ATP8A2: variants seen among roughly 807,000 people sequenced by gnomAD.
ATP8A2 encodes the protein ATPase phospholipid transporting 8A2.
Under a neutral mutation model 165.6 loss-of-function variants are expected in ATP8A2, and 100 were observed. The ratio of observed to expected loss-of-function variants is 0.60; its 90% confidence interval spans 0.51 to 0.71. The LOEUF (loss-of-function observed/expected upper bound fraction) is 0.71, where lower values mean the gene tolerates loss of function less well. Among genes scored for constraint, ATP8A2 ranks in the 30% least tolerant of loss-of-function variants. The pLI, the probability that ATP8A2 is intolerant of heterozygous loss-of-function variation, is 0.00. For synonymous variants in ATP8A2, 543 were observed against 548.8 expected (o/e 0.99, Z 0.15); for missense variants, 1,227 against 1,479.5 (o/e 0.83, Z 2.80).
At chr13:25,553,702 G>C in intron 11 of ATP8A2, 91 bp from the exon 12 acceptor site, 1 of 1,318,410 alleles carries the variant, frequency 7.6e-7, no homozygotes, top group Non-Finnish European at 1.1e-6. Flanking sequence ...CATGCAGGAG[G>C]TGCTCAATAA....
intron 7 of ATP8A2, 55 bp downstream of exon 7, chr13:25,538,116 A>G (rs374090215): frequency 7.2e-7 from 1 of 1,380,434 alleles, no homozygotes. Flanking sequence ...ACAATAAAAT[A>G]TTAAGCAGCA....
At chr13:25,433,181 G>A (rs937136650) in intron 1 of ATP8A2, among the ~76,000 whole-genome samples, 7 of 152,222 alleles carry the variant, frequency 4.6e-5, no homozygotes, top group African/African-American at 1.4e-4. Flanking sequence ...ATGAGTAGGG[G>A]ATGGGAAAGG....
Position 25,853,008 on chromosome 13 carries a change from T to C in ATP8A2, c.2957-7187T>C, listed in dbSNP as rs1952048180. Reference sequence around the variant, plus strand: ...CTCATGTGAAATATGCACATAATTATACTATTTCATGTAGTTGCTAAAGTA... The same window carrying C: ...CTCATGTGAAATATGCACATAATTACACTATTTCATGTAGTTGCTAAAGTA... On this transcript the variant is annotated intron_variant, in intron 30 of 36. Transcript: ENST00000381655. Among the ~76,000 whole-genome samples, 2 of 152,226 alleles carry C rather than the reference T, an allele frequency of 1.3e-5. 1 individual carries two copies. Among genetic ancestry groups the C allele is most frequent in the African/African-American group, 4.8e-5 (2 of 41,462 alleles).
intron 2 of ATP8A2, among the ~76,000 whole-genome samples, chr13:25,489,109 T>C (rs889816420): frequency 1.3e-5 from 2 of 151,970 alleles, no homozygotes; most frequent in Non-Finnish European, 2.9e-5. Context: ...GAGTTTCCCT[T>C]TCACCTTCCC....
chr13:25,528,767 T>G (rs1198826125), intron 2 of ATP8A2, among the ~76,000 whole-genome samples: 1 of 82,016 alleles, frequency 1.2e-5, no homozygotes. Context: ...ATATGCAACA[T>G]GTGTATGCAC....
chr13:25,423,483 T>C (rs1412570920), intron 1 of ATP8A2, among the ~76,000 whole-genome samples: 1 of 152,220 alleles, frequency 6.6e-6, no homozygotes, highest in African/African-American at 2.4e-5. Context: ...GATAGAATTC[T>C]AAGGGTGGAA....
chr13:25,495,232 C>T (rs2036639054), intron 2 of ATP8A2, among the ~76,000 whole-genome samples: 1 of 152,126 alleles, frequency 6.6e-6, no homozygotes, highest in Non-Finnish European at 1.5e-5. Context: ...TCAGGAAAGG[C>T]CAGAGTGTGC....
rs539644684 is a variant in ATP8A2 at position 25,465,080 on chromosome 13, G to C, written c.77-3897G>C. ...TGAACTCCCACTCTCTGCTGACACAGCACCTGTTTAAATGGTGGAGGTGTA... is the reference window on the plus strand; with the variant it reads ...TGAACTCCCACTCTCTGCTGACACACCACCTGTTTAAATGGTGGAGGTGTA... On this transcript the variant is annotated intron_variant, in intron 1 of 36. Transcript: ENST00000381655. 2.4e-4 allele frequency among the ~76,000 whole-genome samples: 36 copies of C among 152,298 alleles called. 1 individual carries two copies. In the South Asian group the frequency reaches 7.5e-3, roughly 32 times the overall value.
At chr13:25,658,990 T>C (rs539264393) in intron 24 of ATP8A2, among the ~76,000 whole-genome samples, 1 of 152,330 alleles carries the variant, frequency 6.6e-6, no homozygotes, top group South Asian at 2.1e-4. Context: ...ATTTACTTGT[T>C]GGCATTTGTG....
chr13:25,415,933 A>G (rs1039776241), intron 1 of ATP8A2, among the ~76,000 whole-genome samples: 1 of 151,850 alleles, frequency 6.6e-6, no homozygotes, highest in Non-Finnish European at 1.5e-5. Flanking sequence ...GGCTCAAGGG[A>G]TCCTTCTGCT....
At chr13:25,675,930 A>C (rs2042363113) in intron 24 of ATP8A2, among the ~76,000 whole-genome samples, 1 of 152,214 alleles carries the variant, frequency 6.6e-6, no homozygotes, top group Non-Finnish European at 1.5e-5. Flanking sequence ...TTATTTTTAC[A>C]ATCATATATT....
intron 27 of ATP8A2, among the ~76,000 whole-genome samples, chr13:25,800,701 G>A (rs920595227): frequency 5.9e-5 from 9 of 152,078 alleles, no homozygotes; most frequent in African/African-American, 2.2e-4. Flanking sequence ...GGCGATCGCC[G>A]TCATGCTGAG....
intron 27 of ATP8A2, among the ~76,000 whole-genome samples, chr13:25,821,492 G>A (rs186466640): frequency 6.6e-6 from 1 of 152,212 alleles, no homozygotes; most frequent in East Asian, 1.9e-4. Flanking sequence ...CCAGTTATAG[G>A]AATCTGTTAT....
intron 27 of ATP8A2, among the ~76,000 whole-genome samples, chr13:25,818,030 G>A (rs1951074355): frequency 6.6e-6 from 1 of 152,020 alleles, no homozygotes; most frequent in Non-Finnish European, 1.5e-5. Context: ...TTTAATTTGT[G>A]TTATTTTTTA....
intron 35 of ATP8A2, among the ~76,000 whole-genome samples, chr13:25,975,297 G>C (rs914363312): frequency 6.6e-6 from 1 of 152,174 alleles, no homozygotes; most frequent in African/African-American, 2.4e-5. Context: ...TTTTCGACCG[G>C]TTGCGGTGGC....
intron 27 of ATP8A2, among the ~76,000 whole-genome samples, chr13:25,795,288 A>T (rs1950478457): frequency 6.6e-6 from 1 of 152,204 alleles, no homozygotes; most frequent in African/African-American, 2.4e-5. Context: ...TTTTAAGAAG[A>T]TATTTAAAAT....
chr13:25,720,573 C>T (rs1228430254), intron 25 of ATP8A2, among the ~76,000 whole-genome samples: 2 of 152,178 alleles, frequency 1.3e-5, no homozygotes, highest in Non-Finnish European at 2.9e-5. Context: ...CTCACCTTCC[C>T]TCAGGTCGTC....
At chr13:25,982,585 A>T (rs1241934530) in intron 35 of ATP8A2, among the ~76,000 whole-genome samples, 3 of 152,218 alleles carry the variant, frequency 2.0e-5, no homozygotes, top group Non-Finnish European at 4.4e-5. Flanking sequence ...GTGGCCACAC[A>T]TTTCTGCTCC....
At chr13:25,561,426 T>C (rs1379054507) in intron 15 of ATP8A2, among the ~76,000 whole-genome samples, 1 of 152,148 alleles carries the variant, frequency 6.6e-6, no homozygotes, top group Admixed American at 6.5e-5. Context: ...TCCTTCGTCA[T>C]GAGTTTTCTG....
Sources: gnomAD v4.1 joint callset for allele counts (sites outside exome capture counted in the v4.1 genomes callset) on GRCh38, gnomAD v4.1.1 for gene constraint, MANE v1.5 for transcripts, NCBI Gene and HGNC (gene_info 2026-07-23, HGNC 2026-07-21) for gene names.